CHMP3: variants seen among roughly 807,000 people sequenced by gnomAD.
CHMP3 encodes 25.1 protein.
CHMP3 carries 8 observed loss-of-function variants against 27.4 expected under a neutral mutation model. The ratio of observed to expected loss-of-function variants is 0.29; its 90% CI spans 0.17 to 0.53. The LOEUF (loss-of-function observed/expected upper bound fraction) is 0.53. Ranked by LOEUF, CHMP3 falls within the 20% of genes least tolerant of loss-of-function variation. The pLI is 0.96. For synonymous variants in CHMP3, 86 were observed against 85.5 expected (o/e 1.01, Z -0.03); for missense variants, 208 against 271.5 (o/e 0.77, Z 1.64).
chr2:86,555,344 G>A (rs1003662494), intron 1 of CHMP3, among the ~76,000 whole-genome samples: 1 of 152,070 alleles, frequency 6.6e-6, no homozygotes, highest in Non-Finnish European at 1.5e-5. Context: ...GCAATAAAGA[G>A]AGTAAGCATG....
chr2:86,537,504 G>C (rs1209421748), intron 2 of CHMP3, among the ~76,000 whole-genome samples: 1 of 152,046 alleles, frequency 6.6e-6, no homozygotes, highest in Non-Finnish European at 1.5e-5. Flanking sequence ...TTCCTGCTTT[G>C]AGTAGGCCAT....
intron 2 of CHMP3, among the ~76,000 whole-genome samples, chr2:86,532,797 T>C (rs1390070764): frequency 6.6e-6 from 1 of 152,236 alleles, no homozygotes; most frequent in African/African-American, 2.4e-5. Flanking sequence ...CTGGCCGTGA[T>C]GTATACTCAT....
chr2:86,554,814 C>CGTGT lies in CHMP3; in HGVS notation c.45+8489_45+8490insACAC, dbSNP rs769149856. The stretch of plus-strand genomic sequence containing the variant: ...CATCAATAGAATAAATGTGTGTGCG[C>CGTGT]GCGTGTGTGTGTGTGTGTGTGTGTG... On this transcript the variant is annotated intron_variant, in intron 1 of 5. Transcript: ENST00000263856. Among the ~76,000 whole-genome samples the CGTGT allele has an allele frequency of 3.7e-3, 504 of 138,066 alleles. 10 individuals are homozygous for CGTGT. The highest frequency in any genetic ancestry group is 0.017 in the South Asian group (78 of 4,528). 90.6% of individuals were successfully genotyped at this position (138,066 alleles called of 152,430 possible).
intron 1 of CHMP3, among the ~76,000 whole-genome samples, chr2:86,546,135 CA>C (rs1420023953): frequency 6.6e-6 from 1 of 152,262 alleles, no homozygotes; most frequent in South Asian, 2.1e-4. Context: ...CCGAGGCAGG[CA>C]GATCACTCGA....
At chr2:86,517,855 C>G (rs976266465) in intron 3 of CHMP3, among the ~76,000 whole-genome samples, 1 of 151,682 alleles carries the variant, frequency 6.6e-6, no homozygotes, top group African/African-American at 2.4e-5. Context: ...ATGGTGAAAC[C>G]CCATCTCTAC....
chr2:86,561,590 G>A (rs1056150236), intron 1 of CHMP3: 9 of 152,098 alleles, frequency 5.9e-5, no homozygotes, highest in Non-Finnish European at 1.0e-4. Context: ...TGTCCATAAT[G>A]GGGGGAAAAA....
intron 5 of CHMP3, among the ~76,000 whole-genome samples, chr2:86,506,701 G>A (rs1054041675): frequency 6.8e-6 from 1 of 147,782 alleles, no homozygotes; most frequent in African/African-American, 2.5e-5. Context: ...TGGACCTCCT[G>A]GGCTCAAGCA....
chr2:86,526,381 G>C (rs1675710534), intron 3 of CHMP3, among the ~76,000 whole-genome samples: 1 of 152,120 alleles, frequency 6.6e-6, no homozygotes, highest in African/African-American at 2.4e-5. Flanking sequence ...ACAATACCAA[G>C]TCAAAAAGGT....
rs1346044090 is a variant in CHMP3, at chr2:86,504,490, CAAAAAT to C, written c.*1308_*1313del. 1 of 137,898 alleles carries C rather than the reference CAAAAAT, an allele frequency of 7.3e-6. No individual in the cohort carries two copies. The highest frequency in any genetic ancestry group is 1.5e-5 in the Non-Finnish European group (1 of 64,878). The allele number at this position is 137,898 out of a possible 1,614,324, so 8.5% of individuals were successfully genotyped here. A position where few individuals can be genotyped will look rare whatever the true frequency, so the allele number is the denominator to read the frequency against. ...GAGTAATAGGAGGGTCCTCTGGACTCAAAAATGAAATTTTTTTTTTTTTTTTTTTTT... is the reference window on the plus strand; with the variant it reads ...GAGTAATAGGAGGGTCCTCTGGACTCGAAATTTTTTTTTTTTTTTTTTTTT... On this transcript the variant is annotated 3_prime_UTR_variant, in exon 6 of 6. Coordinates refer to ENST00000263856, the MANE Select transcript of CHMP3 (RefSeq NM_016079.4).
At chr2:86,535,133 A>C (rs1352525314) in intron 2 of CHMP3, among the ~76,000 whole-genome samples, 1 of 151,784 alleles carries the variant, frequency 6.6e-6, no homozygotes, top group Non-Finnish European at 1.5e-5. Context: ...GCATGCATCT[A>C]TAGTCCCAGG....
intron 3 of CHMP3, among the ~76,000 whole-genome samples, chr2:86,518,968 T>C (rs993888854): frequency 2.0e-5 from 3 of 152,230 alleles, no homozygotes; most frequent in Admixed American, 6.5e-5. Context: ...ATGTATTCCA[T>C]GGCTTTTAAT....
At chr2:86,560,615 G>A (rs746968813) in intron 1 of CHMP3, among the ~76,000 whole-genome samples, 1 of 151,822 alleles carries the variant, frequency 6.6e-6, no homozygotes, top group Non-Finnish European at 1.5e-5. Context: ...TAGGTGACCA[G>A]TTGATGGGTG....
intron 2 of CHMP3, among the ~76,000 whole-genome samples, chr2:86,533,727 A>G (rs973707694): frequency 6.6e-6 from 1 of 151,302 alleles, no homozygotes; most frequent in Non-Finnish European, 1.5e-5. Context: ...CTGGCCTCAA[A>G]CTCCTGGGCT....
intron 2 of CHMP3, among the ~76,000 whole-genome samples, chr2:86,538,446 A>G (rs985619526): frequency 6.6e-6 from 1 of 152,220 alleles, no homozygotes. Flanking sequence ...TACAATATAA[A>G]TAAAAATCAG....
In CHMP3 at chr2:86,538,199, T is replaced by C. The variant is rs529348879; in HGVS notation, c.106+4053A>G. On this transcript the variant is annotated intron_variant, in intron 2 of 5. Transcript: ENST00000263856. ...GACAAAAATTATTTGATTCTACTTATATGAGGTACTTAGAATCGTCAAATA... is the reference window on the plus strand; with the variant it reads ...GACAAAAATTATTTGATTCTACTTACATGAGGTACTTAGAATCGTCAAATA... 2.6e-5 allele frequency among the ~76,000 whole-genome samples: 4 copies of C among 152,282 alleles called. No homozygotes were observed. The South Asian group carries it at 8.3e-4, about 32-fold the overall frequency.
At chr2:86,510,618 T>C (rs1342586108) in intron 3 of CHMP3, 139 bp from the exon 4 acceptor site, 4 of 1,195,092 alleles carry the variant, frequency 3.3e-6, no homozygotes, top group Non-Finnish European at 4.6e-6. Context: ...AATTAATTAC[T>C]GTGCTAGTTG....
chr2:86,562,959 G>T, intron 1 of CHMP3: 1 of 228,576 alleles, frequency 4.4e-6, no homozygotes, highest in Non-Finnish European at 8.5e-6. Flanking sequence ...GAGGGGTGGG[G>T]CCTACGCTGG....
chr2:86,544,981 C>T (rs1676514816), intron 1 of CHMP3, among the ~76,000 whole-genome samples: 1 of 110,038 alleles, frequency 9.1e-6, no homozygotes, highest in African/African-American at 2.8e-5. Flanking sequence ...GCGCTCCTCA[C>T]CTCCCAGACG....
chr2:86,517,230 G>A (rs1184493694), intron 3 of CHMP3, among the ~76,000 whole-genome samples: 1 of 152,156 alleles, frequency 6.6e-6, no homozygotes, highest in Non-Finnish European at 1.5e-5. Flanking sequence ...ATATGACCAT[G>A]TTGTAATATC....
Sources: gnomAD v4.1 joint callset for allele counts (sites outside exome capture counted in the v4.1 genomes callset) on GRCh38, gnomAD v4.1.1 for gene constraint, MANE v1.5 for transcripts, NCBI Gene and HGNC (gene_info 2026-07-23, HGNC 2026-07-21) for gene names.